The following ADAMTS8 variants were observed in gnomAD, a reference collection of about 807,000 sequenced individuals.
ADAMTS8 encodes A disintegrin and metalloproteinase with thrombospondin motifs 8.
ADAMTS8 carries 50 observed loss-of-function variants against 64.4 expected under a neutral mutation model. The ratio of observed to expected loss-of-function variants is 0.78; its 90% CI spans 0.62 to 0.98. ADAMTS8 has a LOEUF of 0.98. Ranked by LOEUF, ADAMTS8 falls within the 50% of genes least tolerant of loss-of-function variation. ADAMTS8 has a pLI of 0.00. For missense variants in ADAMTS8, 1,192 were observed against 1,208.2 expected (o/e 0.99, Z 0.20); for synonymous variants, 556 against 533.6 (o/e 1.04, Z -0.58).
intron 1 of ADAMTS8, among the ~76,000 whole-genome samples, chr11:130,424,807 G>A (rs894149371): frequency 3.3e-5 from 5 of 152,122 alleles, no homozygotes; most frequent in Admixed American, 6.5e-5. Context: ...ACAGGGGCCC[G>A]AGGGTGGTCC....
intron 7 of ADAMTS8, 46 bp from the exon 8 acceptor site, chr11:130,408,685 A>G: frequency 6.2e-7 from 1 of 1,612,100 alleles, no homozygotes; most frequent in East Asian, 2.2e-5. Flanking sequence ...TTGAGCACAG[A>G]AGCAGCCTGC....
At chr11:130,415,833 T>A (rs1862015070) in intron 4 of ADAMTS8, among the ~76,000 whole-genome samples, 1 of 152,126 alleles carries the variant, frequency 6.6e-6, no homozygotes, top group Non-Finnish European at 1.5e-5. Flanking sequence ...ACTGCCTCTG[T>A]CACGCCTGAG....
At chr11:130,424,432 C>T (rs73044813) in intron 1 of ADAMTS8, among the ~76,000 whole-genome samples, 7,444 of 152,276 alleles carry the variant, frequency 0.049, 228 homozygotes, top group East Asian at 0.11. Context: ...AAGACTGGCT[C>T]ATCATGAAGC....
intron 1 of ADAMTS8, among the ~76,000 whole-genome samples, chr11:130,423,273 C>T (rs1592134774): frequency 6.6e-6 from 1 of 152,184 alleles, no homozygotes; most frequent in African/African-American, 2.4e-5. Context: ...GGAAATACTC[C>T]ATATCTTTGA....
chr11:130,422,307 T>G (rs1862110437), intron 1 of ADAMTS8, among the ~76,000 whole-genome samples: 1 of 151,728 alleles, frequency 6.6e-6, no homozygotes, highest in African/African-American at 2.4e-5. Flanking sequence ...CCTGGCCAGT[T>G]GGGTGGGCCA....
chr11:130,406,213 C>T, intron 8 of ADAMTS8, 85 bp from the exon 9 acceptor site: 2 of 1,477,860 alleles, frequency 1.4e-6, no homozygotes, highest in Admixed American at 2.3e-5. Flanking sequence ...AAGTGGGCAC[C>T]CCAGGTGGCA....
intron 1 of ADAMTS8, among the ~76,000 whole-genome samples, chr11:130,425,242 C>T (rs968543836): frequency 1.3e-5 from 2 of 152,116 alleles, no homozygotes; most frequent in Non-Finnish European, 2.9e-5. Flanking sequence ...GGAACAAAAT[C>T]GGGTGCAAAC....
intron 6 of ADAMTS8, among the ~76,000 whole-genome samples, chr11:130,410,825 G>T (rs553265096): frequency 3.4e-4 from 52 of 152,334 alleles, no homozygotes; most frequent in Non-Finnish European, 5.3e-4. Flanking sequence ...GGGAGAGGTA[G>T]TATTCCTTCC....
Position 130,423,732 on chromosome 11 carries a change from C to T in ADAMTS8, c.720+3835G>A, listed in dbSNP as rs148825028. Among the ~76,000 whole-genome samples the T allele has an allele frequency of 1.9e-3, 283 of 152,322 alleles. 1 individual carries two copies. The highest frequency in any genetic ancestry group is 6.3e-3 in the African/African-American group (263 of 41,578). On this transcript the variant is annotated intron_variant, in intron 1 of 8. Coordinates refer to ENST00000257359, the MANE Select transcript of ADAMTS8 (RefSeq NM_007037.6). ...ACTCTGCTCACTGCAGAAGCACTGG[C>T]GGGACAGGCGTCCCAGGCTGGCGAG...
At position 130,428,100 on chromosome 11, in the gene ADAMTS8, C is replaced by A; in HGVS notation, c.187G>T (p.Gly63Cys). Residue 63 changes from glycine to cysteine, a missense_variant, in exon 1 of 9, where the codon GGC becomes TGC. Transcript: ENST00000257359. ...LALHLSAFGK[G>C]FVLRLAPDDS... Reference sequence around the variant, plus strand: ...TCGGGCGCCAGGCGCAGCACGAAGCCCTTGCCGAAGGCGGACAGGTGGAGC... The same window carrying A: ...TCGGGCGCCAGGCGCAGCACGAAGCACTTGCCGAAGGCGGACAGGTGGAGC... 6.5e-7 allele frequency: 1 copy of A among 1,534,114 alleles called. No individual in the cohort carries two copies. The highest frequency in any genetic ancestry group is 8.7e-7 in the Non-Finnish European group (1 of 1,149,862).
At position 130,410,351 on chromosome 11, in the gene ADAMTS8, A is replaced by G. The variant is rs189181265; in HGVS notation, c.1750+1066T>C. On this transcript the variant is annotated intron_variant, in intron 6 of 8. Transcript: ENST00000257359. The stretch of plus-strand genomic sequence containing the variant: ...CTAGACACACAAAAAATACTAAAAA[A>G]TACTCGACAGTAATGGCAGACTTTG... Among the ~76,000 whole-genome samples, 320 of 152,342 alleles carry G rather than the reference A, an allele frequency of 2.1e-3. 1 individual carries two copies. Among genetic ancestry groups the G allele is most frequent in the African/African-American group, 7.1e-3 (294 of 41,570 alleles).
chr11:130,406,610 C>T (rs1381656512), intron 8 of ADAMTS8, among the ~76,000 whole-genome samples: 2 of 151,504 alleles, frequency 1.3e-5, no homozygotes, highest in Non-Finnish European at 2.9e-5. Context: ...AAATTTCACA[C>T]CACCTCTCTG....
rs1861947888 is a variant in ADAMTS8 at position 130,411,264 on chromosome 11, A to G, written c.1750+153T>C. Among the ~76,000 whole-genome samples the G allele has an allele frequency of 6.6e-6, 1 of 151,872 alleles. No homozygotes were observed. Among genetic ancestry groups the G allele is most frequent in the East Asian group, 1.9e-4 (1 of 5,174 alleles). ...CATTTAGGTGGAGATCACAGGCAAA[A>G]CTCTACATCCCAGGAGACCCAATTT... On this transcript the variant is annotated intron_variant, in intron 6 of 8. Transcript: ENST00000257359. The surrounding 1 kb of genome is among the most constrained non-coding windows in gnomAD (Gnocchi z 4.2).
chr11:130,426,437 C>T (rs1298087698), intron 1 of ADAMTS8, among the ~76,000 whole-genome samples: 1 of 152,252 alleles, frequency 6.6e-6, no homozygotes, highest in Non-Finnish European at 1.5e-5. Context: ...GCCATCACCA[C>T]AAAGTGTCAG....
At chr11:130,424,382 T>TCAGAGAATTGAACCAC (rs1862136371) in intron 1 of ADAMTS8, among the ~76,000 whole-genome samples, 1 of 152,322 alleles carries the variant, frequency 6.6e-6, no homozygotes, top group African/African-American at 2.4e-5. Flanking sequence ...AAAACCACGC[T>TCAGAGAATTGAACCAC]GTGAATTGAA....
In ADAMTS8 at chr11:130,411,956, G is replaced by A. The variant is rs1421942547; in HGVS notation, c.1567-356C>T. ...GTTGGGGCGAATTCTGCCCTCCAGG[G>A]GACATTTGGCAATGTCTGGAGATAC... On this transcript the variant is annotated intron_variant, in intron 5 of 8. Coordinates refer to ENST00000257359, the MANE Select transcript of ADAMTS8 (RefSeq NM_007037.6). This position sits in a 1 kb window ranked among gnomAD's most constrained non-coding sequence, Gnocchi z 4.2. The A allele has an allele frequency of 1.6e-5, 4 of 256,166 alleles. No homozygotes were observed. In the East Asian group the frequency reaches 2.8e-4, roughly 18 times the overall value. 15.9% of individuals were successfully genotyped at this position (256,166 alleles called of 1,614,324 possible).
At position 130,411,436 on chromosome 11, in the gene ADAMTS8, C is replaced by T. The variant is rs187466669; in HGVS notation, c.1731G>A (p.Thr577=). Residue 577 remains threonine, a synonymous_variant, in exon 6 of 9, where the codon ACG becomes ACA. Transcript: ENST00000257359. The surrounding 1 kb of genome is among the most constrained non-coding windows in gnomAD (Gnocchi z 4.2). ...AATTACCGTCAGGGGGGCATTCCTC[C>T]GTGTGGCATGACTGGTACTTGGCTC... ...GRRAKYQSCH[T]EECPPDGKSF... 32 of 1,614,064 alleles carry T rather than the reference C, an allele frequency of 2.0e-5. 1 individual carries two copies. Among genetic ancestry groups the T allele is most frequent in the South Asian group, 4.4e-5 (4 of 91,064 alleles).
intron 7 of ADAMTS8, 35 bp downstream of exon 7, chr11:130,408,733 C>T (rs937752572): frequency 6.2e-7 from 1 of 1,613,296 alleles, no homozygotes; most frequent in Non-Finnish European, 8.5e-7. Context: ...ACCTTCCTCC[C>T]CATCTCTGGA....
In ADAMTS8 at chr11:130,428,204, G is replaced by C; in HGVS notation, c.83C>G (p.Pro28Arg). 1.6e-6 allele frequency: 2 copies of C among 1,246,512 alleles called. No individual in the cohort carries two copies. Among genetic ancestry groups the C allele is most frequent in the East Asian group, 3.4e-5 (1 of 29,848 alleles). The allele number at this position is 1,246,512 out of a possible 1,614,324, so 77.2% of individuals were successfully genotyped here. A position where few individuals can be genotyped will look rare whatever the true frequency, so the allele number is the denominator to read the frequency against. Reference sequence around the variant, plus strand: ...CTGCCCCCCGGCTGCGGGCCGGGCCGGGGCGCCGCGGGCCAGCGGCAGCAG... The same window carrying C: ...CTGCCCCCCGGCTGCGGGCCGGGCCCGGGCGCCGCGGGCCAGCGGCAGCAG... ...LLLLPLARGA[P>R]ARPAAGGQAS... The change falls in exon 1 of 9, where the codon CCG (proline) becomes CGG (arginine). Residue 28 changes from proline (P) to arginine (R), a missense_variant. Coordinates refer to ENST00000257359, the MANE Select transcript of ADAMTS8 (RefSeq NM_007037.6).
Sources: allele counts gnomAD v4.1 joint callset (sites outside exome capture counted in the v4.1 genomes callset), GRCh38; gene constraint gnomAD v4.1.1; non-coding constraint Gnocchi (gnomAD v3.1); transcripts MANE v1.5; gene names NCBI Gene and HGNC (gene_info 2026-07-23, HGNC 2026-07-21).